SPDYA: variants seen among roughly 807,000 people sequenced by gnomAD.
SPDYA encodes the protein speedy protein A.
Under a neutral mutation model 36.7 loss-of-function variants are expected in SPDYA, and 11 were observed. The observed-to-expected ratio is 0.30, with a 90% CI of 0.19 to 0.50. The LOEUF (loss-of-function observed/expected upper bound fraction) is 0.50, where lower values mean the gene tolerates loss of function less well. SPDYA is among the 20% of genes least tolerant of loss of function. SPDYA has a pLI of 0.98. For synonymous variants in SPDYA, 115 were observed against 118.7 expected, an observed-to-expected ratio of 0.97 and a Z score of 0.20; for missense variants, 287 against 370.9, an observed-to-expected ratio of 0.77 and a Z score of 1.86.
Position 28,850,019 on chromosome 2 carries a change from T to C in SPDYA, c.*78T>C. ...CTGCAAGACAAGTGTCAAAATGGGA[T>C]GTTTAAGCAGTTTTGCTATGTTATA... On this transcript the variant is annotated 3_prime_UTR_variant, in exon 8 of 8. Transcript: ENST00000334056. The C allele has an allele frequency of 7.8e-7, 1 of 1,280,848 alleles. No individual in the cohort carries two copies. The highest frequency in any genetic ancestry group is 1.1e-6 in the Non-Finnish European group (1 of 901,544). 79.3% of individuals were successfully genotyped at this position (1,280,848 alleles called of 1,614,324 possible). A position where few individuals can be genotyped will look rare whatever the true frequency, so the allele number is the denominator to read the frequency against.
At chr2:28,812,420 A>C (rs528675965) in intron 1 of SPDYA, among the ~76,000 whole-genome samples, 1 of 151,894 alleles carries the variant, frequency 6.6e-6, no homozygotes, top group South Asian at 2.1e-4. Flanking sequence ...CCCAGAGAAG[A>C]GGTTATTTCA....
At chr2:28,822,518 T>C in intron 5 of SPDYA, 108 bp downstream of exon 5, 1 of 472,432 alleles carries the variant, frequency 2.1e-6, no homozygotes, top group Non-Finnish European at 3.7e-6. Flanking sequence ...GAATAGGCCT[T>C]CCTGTATAAA....
chr2:28,816,653 A>G (rs1203502359), intron 3 of SPDYA, among the ~76,000 whole-genome samples: 1 of 152,150 alleles, frequency 6.6e-6, no homozygotes, highest in Non-Finnish European at 1.5e-5. Context: ...ACCCAAGAAA[A>G]CTAGGAAGCT....
chr2:28,816,170 TAAC>T lies in SPDYA; in HGVS notation c.162_164del (p.Asn54del). The T allele has an allele frequency of 6.2e-7, 1 of 1,614,008 alleles. No individual in the cohort carries two copies. The highest frequency in any genetic ancestry group is 8.5e-7 in the Non-Finnish European group (1 of 1,179,944). On this transcript the variant is annotated inframe_deletion, in exon 3 of 8. Transcript: ENST00000334056. Reference sequence around the variant, plus strand: ...AAGCATTTGAAAAAAATACACATAATAACAACAAATCTAAACGCCCCAAAGGAC... The same window carrying T: ...AAGCATTTGAAAAAAATACACATAATAACAAATCTAAACGCCCCAAAGGAC...
rs755282260 is a variant in SPDYA, at chr2:28,822,348, T to G, written c.318T>G (p.Val106=). Residue 106 remains valine, a synonymous_variant, in exon 5 of 8, where the codon GTT becomes GTG. Coordinates refer to ENST00000334056, the MANE Select transcript of SPDYA (RefSeq NM_182756.4). ...ADKYLLAMTF[V]YFKRAKFTIS... ...AGTATCTTTTGGCTATGACCTTTGT[T>G]TATTTCAAGAGGGCTAAATTTACTA... 1 of 1,564,484 alleles carries G rather than the reference T, an allele frequency of 6.4e-7. No homozygotes were observed. Among genetic ancestry groups the G allele is most frequent in the Non-Finnish European group, 8.7e-7 (1 of 1,154,100 alleles).
rs139604395 is a variant in SPDYA, at chr2:28,816,121, G to T, written c.107G>T (p.Arg36Leu). The change falls in exon 3 of 8, where the codon CGT becomes CTT. Residue 36 changes from arginine to leucine, a missense_variant. Transcript: ENST00000334056. ...HQPKKPITLK[R>L]PICKDNWQAF... is the part of the protein sequence containing the mutation. The stretch of plus-strand genomic sequence containing the variant: ...CCTAAAAAGCCCATTACTCTGAAGC[G>T]TCCTATTTGTAAAGATAATTGGCAA... 6.2e-7 allele frequency: 1 copy of T among 1,613,706 alleles called. No homozygotes were observed. Among genetic ancestry groups the T allele is most frequent in the African/African-American group, 1.3e-5 (1 of 74,852 alleles).
intron 7 of SPDYA, among the ~76,000 whole-genome samples, chr2:28,846,690 A>G (rs1668883573): frequency 6.6e-6 from 1 of 151,076 alleles, no homozygotes; most frequent in Non-Finnish European, 1.5e-5. Context: ...ATGGACAACT[A>G]CCAAAGAAAA....
chr2:28,846,685 C>A (rs12185717), intron 7 of SPDYA, among the ~76,000 whole-genome samples: 56,322 of 147,980 alleles, frequency 0.38, 12,153 homozygotes, highest in Non-Finnish European at 0.51. Flanking sequence ...CTAGAATGGA[C>A]AACTACCAAA....
chr2:28,820,353 A>T (rs1270183863), intron 4 of SPDYA, among the ~76,000 whole-genome samples: 2 of 152,072 alleles, frequency 1.3e-5, no homozygotes, highest in Non-Finnish European at 2.9e-5. Flanking sequence ...TGGGATGCTG[A>T]GGCGGGCAGA....
At chr2:28,825,172 T>C (rs1668286374) in intron 5 of SPDYA, among the ~76,000 whole-genome samples, 1 of 152,002 alleles carries the variant, frequency 6.6e-6, no homozygotes, top group Non-Finnish European at 1.5e-5. Flanking sequence ...CATCAACCAC[T>C]AAGTTAAATT....
At chr2:28,822,533 G>A (rs1668193837) in intron 5 of SPDYA, 123 bp downstream of exon 5, 1 of 417,806 alleles carries the variant, frequency 2.4e-6, no homozygotes, top group Admixed American at 4.5e-5. Flanking sequence ...TATAAATGCT[G>A]TATGTTTTTT....
At position 28,815,667 on chromosome 2, in the gene SPDYA, G is replaced by A. The variant is rs141623479; in HGVS notation, c.-18-330G>A. 2.0e-3 allele frequency among the ~76,000 whole-genome samples: 297 copies of A among 151,980 alleles called. 1 individual carries two copies. The highest frequency in any genetic ancestry group is 5.6e-3 in the Admixed American group (85 of 15,262). On this transcript the variant is annotated intron_variant, in intron 2 of 7. Transcript: ENST00000334056. The stretch of plus-strand genomic sequence containing the variant: ...AATAGAAAAAATTAGAAAATTAGCC[G>A]GAAAAAAGAAGACTACAAATAAATT...
chr2:28,826,611 CTTTT>C (rs777338299), intron 5 of SPDYA, among the ~76,000 whole-genome samples: 36 of 75,348 alleles, frequency 4.8e-4, no homozygotes, highest in African/African-American at 2.1e-3. Flanking sequence ...TTCTTTCTCT[CTTTT>C]TTTTTTTTTT....
At chr2:28,842,752 C>T (rs1227887847) in intron 7 of SPDYA, among the ~76,000 whole-genome samples, 1 of 152,022 alleles carries the variant, frequency 6.6e-6, no homozygotes, top group Non-Finnish European at 1.5e-5. Flanking sequence ...CATATTTTAC[C>T]AGTAAAAATA....
rs966932581 is a variant in SPDYA at position 28,840,860 on chromosome 2, A to T, written c.850+391A>T. 9 of 764,324 alleles carry T rather than the reference A, an allele frequency of 1.2e-5. No individual in the cohort carries two copies. The African/African-American group carries it at 1.5e-4, about 13-fold the overall frequency. The allele number at this position is 764,324 out of a possible 1,614,324, so 47.3% of individuals were successfully genotyped here. ...TCTAACAAAATTAGAACCATACTAT[A>T]TATCTAGGCCTGCTTTTTTCATTTA... On this transcript the variant is annotated intron_variant, in intron 7 of 7. Coordinates refer to ENST00000334056, the MANE Select transcript of SPDYA (RefSeq NM_182756.4).
chr2:28,832,116 C>T (rs1668493118), intron 6 of SPDYA, among the ~76,000 whole-genome samples: 1 of 152,304 alleles, frequency 6.6e-6, no homozygotes, highest in East Asian at 1.9e-4. Context: ...TGAAGAATTG[C>T]TTGTATTCTA....
At chr2:28,835,085 G>A (rs1047042367) in intron 6 of SPDYA, among the ~76,000 whole-genome samples, 5 of 152,114 alleles carry the variant, frequency 3.3e-5, no homozygotes, top group Non-Finnish European at 7.3e-5. Context: ...TTTTGAGACA[G>A]GGTCTCATTC....
At position 28,836,631 on chromosome 2, in the gene SPDYA, T is replaced by C. The variant is rs142866664; in HGVS notation, c.553-3541T>C. Among the ~76,000 whole-genome samples the C allele has an allele frequency of 3.2e-3, 493 of 152,322 alleles. 1 individual carries two copies. The highest frequency in any genetic ancestry group is 0.011 in the African/African-American group (468 of 41,564). On this transcript the variant is annotated intron_variant, in intron 6 of 7. Coordinates refer to ENST00000334056, the MANE Select transcript of SPDYA (RefSeq NM_182756.4). ...CATTTTATTACTGGCATGTCTGCTT[T>C]CCCCTTTTAGTCGAAATTTCCCTTT...
intron 5 of SPDYA, among the ~76,000 whole-genome samples, chr2:28,823,312 G>A (rs574171631): frequency 6.6e-6 from 1 of 152,124 alleles, no homozygotes; most frequent in African/African-American, 2.4e-5. Flanking sequence ...AATACATTTG[G>A]AATTTGCATT....
Sources: allele counts gnomAD v4.1 joint callset (sites outside exome capture counted in the v4.1 genomes callset), GRCh38; gene constraint gnomAD v4.1.1; transcripts MANE v1.5; gene names NCBI Gene and HGNC (gene_info 2026-07-23, HGNC 2026-07-21).